The following ITPR2 variants were observed in gnomAD, a reference collection of about 807,000 sequenced individuals.
ITPR2 encodes the protein inositol 1,4,5-trisphosphate receptor type 2.
ITPR2 carries 207 observed loss-of-function variants against 317.1 expected under a neutral mutation model. The observed-to-expected ratio is 0.65, with a 90% CI of 0.58 to 0.73. The LOEUF is 0.73. Ranked by LOEUF, ITPR2 falls within the 30% of genes least tolerant of loss-of-function variation. The pLI, the probability that ITPR2 is intolerant of heterozygous loss-of-function variation, is 0.00. For missense variants in ITPR2, 2,613 were observed against 3,284.0 expected, an observed-to-expected ratio of 0.80 and a Z score of 4.99; for synonymous variants, 1,156 against 1,149.1, an observed-to-expected ratio of 1.01 and a Z score of -0.12.
intron 21 of ITPR2, among the ~76,000 whole-genome samples, chr12:26,653,340 G>A (rs1410218494): frequency 1.3e-5 from 2 of 149,894 alleles, no homozygotes; most frequent in Non-Finnish European, 3.0e-5. Flanking sequence ...CGACTCCCTG[G>A]TTCAAGCAAT....
chr12:26,435,650 A>G (rs990310795), intron 48 of ITPR2, among the ~76,000 whole-genome samples: 1 of 152,170 alleles, frequency 6.6e-6, no homozygotes, highest in African/African-American at 2.4e-5. Flanking sequence ...TTGCTTTTGT[A>G]TTATTAGTTT....
intron 21 of ITPR2, among the ~76,000 whole-genome samples, chr12:26,641,596 C>T (rs759207665): frequency 2.4e-4 from 37 of 151,914 alleles, no homozygotes; most frequent in African/African-American, 5.8e-4. Context: ...CCATAATATC[C>T]GACACGCTGG....
Position 26,655,846 on chromosome 12 carries a change from A to G in ITPR2, c.2451T>C (p.Asp817=), listed in dbSNP as rs1204824279. The change falls in exon 20 of 57, where the codon GAT becomes GAC. Residue 817 remains aspartate (D), a synonymous_variant. Coordinates refer to ENST00000381340, the MANE Select transcript of ITPR2 (RefSeq NM_002223.4). ...IPTKITIHEY[D]SITDSSRNDM... is the part of the protein sequence containing the mutation. ...CATTTCTGGAAGAGTCTGTTATAGA[A>G]TCATATCTGGAAATAGAGAAAGAAG... The G allele has an allele frequency of 6.2e-7, 1 of 1,607,662 alleles. No individual in the cohort carries two copies.
intron 54 of ITPR2, among the ~76,000 whole-genome samples, chr12:26,391,341 T>G (rs1264494432): frequency 6.6e-6 from 1 of 152,084 alleles, no homozygotes; most frequent in Non-Finnish European, 1.5e-5. Flanking sequence ...GCCCATGTTC[T>G]TTTGCCATCT....
At chr12:26,569,492 C>T (rs1427182234) in intron 34 of ITPR2, among the ~76,000 whole-genome samples, 2 of 149,746 alleles carry the variant, frequency 1.3e-5, no homozygotes, top group East Asian at 3.9e-4. Context: ...GGAGTCGGGG[C>T]TGTAGCCAGC....
chr12:26,551,958 C>T (rs183197405), intron 36 of ITPR2, among the ~76,000 whole-genome samples: 3 of 152,280 alleles, frequency 2.0e-5, no homozygotes, highest in Admixed American at 6.5e-5. Context: ...CACCTGAATG[C>T]CTCTTCCCAT....
At chr12:26,444,220 A>G (rs1941555204) in intron 45 of ITPR2, among the ~76,000 whole-genome samples, 1 of 152,108 alleles carries the variant, frequency 6.6e-6, no homozygotes, top group African/African-American at 2.4e-5. Context: ...TTCACCATAA[A>G]TTATTTTAAA....
At chr12:26,564,873 A>G (rs1001292967) in intron 34 of ITPR2, among the ~76,000 whole-genome samples, 4 of 152,232 alleles carry the variant, frequency 2.6e-5, no homozygotes, top group African/African-American at 9.6e-5. Context: ...TAAGCTACAC[A>G]GTTATGCTAA....
chr12:26,714,620 G>A (rs1317939937), intron 8 of ITPR2, among the ~76,000 whole-genome samples: 1 of 151,954 alleles, frequency 6.6e-6, no homozygotes, highest in African/African-American at 2.4e-5. Context: ...TTAAAATTGG[G>A]GGCAGGTGAA....
At chr12:26,357,346 G>T (rs1938672537) in intron 55 of ITPR2, among the ~76,000 whole-genome samples, 1 of 152,132 alleles carries the variant, frequency 6.6e-6, no homozygotes, top group Non-Finnish European at 1.5e-5. Context: ...TGGATACTGG[G>T]GCTTGGTTGA....
In ITPR2 at chr12:26,338,278, TGAATA is replaced by T. The variant is rs1276145722; in HGVS notation, c.*1114_*1118del. The T allele has an allele frequency of 3.3e-5, 5 of 152,652 alleles. No homozygotes were observed. The highest frequency in any genetic ancestry group is 7.3e-5 in the Non-Finnish European group (5 of 68,036). 9.5% of individuals were successfully genotyped at this position (152,652 alleles called of 1,614,324 possible). On this transcript the variant is annotated 3_prime_UTR_variant, in exon 57 of 57. Coordinates refer to ENST00000381340, the MANE Select transcript of ITPR2 (RefSeq NM_002223.4). ...TGCATGATTTAATACAAAAACAATT[TGAATA>T]AGAGATTTTTATCTTGCTACATTTT...
intron 1 of ITPR2, among the ~76,000 whole-genome samples, chr12:26,795,536 G>A (rs1404804121): frequency 6.6e-6 from 1 of 151,910 alleles, no homozygotes; most frequent in African/African-American, 2.4e-5. Context: ...TCCACCTAAG[G>A]ACAATATAGA....
chr12:26,463,436 G>A (rs988368746), intron 45 of ITPR2, among the ~76,000 whole-genome samples: 3 of 152,140 alleles, frequency 2.0e-5, no homozygotes, highest in Non-Finnish European at 4.4e-5. Context: ...GGAGGCTGAG[G>A]TGGGCGGATT....
intron 4 of ITPR2, 82 bp from the exon 5 acceptor site, chr12:26,722,637 A>G (rs1276850225): frequency 1.0e-6 from 1 of 961,580 alleles, no homozygotes; most frequent in Non-Finnish European, 1.5e-6. Flanking sequence ...TACATGTATC[A>G]TATATTCATC....
intron 2 of ITPR2, among the ~76,000 whole-genome samples, chr12:26,745,049 G>T (rs185233443): frequency 6.6e-6 from 1 of 152,332 alleles, no homozygotes; most frequent in Admixed American, 6.5e-5. Flanking sequence ...CTATTTCCCA[G>T]GTAGCAGCAT....
intron 55 of ITPR2, among the ~76,000 whole-genome samples, chr12:26,353,065 T>C (rs1938531939): frequency 6.6e-6 from 1 of 152,220 alleles, no homozygotes; most frequent in Admixed American, 6.5e-5. Flanking sequence ...TTAAATTAAA[T>C]GACTGACCCA....
At chr12:26,370,073 T>C (rs370554211) in intron 55 of ITPR2, among the ~76,000 whole-genome samples, 2 of 152,292 alleles carry the variant, frequency 1.3e-5, no homozygotes, top group Non-Finnish European at 2.9e-5. Flanking sequence ...ATTTGGCTGT[T>C]GCTGATCTGT....
chr12:26,746,127 G>A (rs1483866892), intron 2 of ITPR2, among the ~76,000 whole-genome samples: 2 of 151,576 alleles, frequency 1.3e-5, no homozygotes, highest in African/African-American at 2.4e-5. Context: ...GCACAGAGTA[G>A]GATAAATATG....
intron 21 of ITPR2, among the ~76,000 whole-genome samples, chr12:26,651,929 C>T (rs1336995318): frequency 6.6e-6 from 1 of 152,166 alleles, no homozygotes; most frequent in Non-Finnish European, 1.5e-5. Flanking sequence ...CCAAAAGACT[C>T]GAAGGGGTGC....
Sources: gnomAD v4.1 joint callset for allele counts (sites outside exome capture counted in the v4.1 genomes callset) on GRCh38, gnomAD v4.1.1 for gene constraint, MANE v1.5 for transcripts, NCBI Gene and HGNC (gene_info 2026-07-23, HGNC 2026-07-21) for gene names.